The following DYRK1B variants were observed in gnomAD, a reference collection of about 807,000 sequenced individuals.
The protein encoded by DYRK1B is dual specificity tyrosine-phosphorylation-regulated kinase 1B.
In DYRK1B, 20 loss-of-function variants were observed where a neutral mutation model predicts 57.1. That is an observed-to-expected ratio of 0.35 (90% confidence interval 0.25 to 0.51). The LOEUF is 0.51. DYRK1B is among the 20% of genes least tolerant of loss of function. DYRK1B has a pLI of 0.96. For synonymous variants in DYRK1B, 409 were observed against 384.7 expected, an observed-to-expected ratio of 1.06 and a Z score of -0.74; for missense variants, 732 against 886.3, an observed-to-expected ratio of 0.83 and a Z score of 2.21.
Position 39,828,568 on chromosome 19 carries a change from T to G in DYRK1B, c.536A>C (p.His179Pro). 6 of 1,609,078 alleles carry G rather than the reference T, an allele frequency of 3.7e-6. No individual in the cohort carries two copies. The highest frequency in any genetic ancestry group is 5.1e-6 in the Non-Finnish European group (6 of 1,176,280). The part of the protein sequence containing the change: ...MKYYIVHLKR[H>P]FMFRNHLCLV... The stretch of plus-strand genomic sequence containing the variant: ...GCACAGGTGGTTCCGGAACATGAAG[T>G]GCCGCTTCAGGTGTACTGCGGGGGA... Residue 179 changes from histidine to proline, a missense_variant, in exon 6 of 11, where the codon CAC becomes CCC. Coordinates refer to ENST00000323039, the MANE Select transcript of DYRK1B (RefSeq NM_004714.3). This position sits in a 1 kb window ranked among gnomAD's most constrained non-coding sequence, Gnocchi z 4.3.
chr19:39,826,886 G>A lies in DYRK1B; in HGVS notation c.1197C>T (p.Ala399=), dbSNP rs1968566100. The A allele has an allele frequency of 2.1e-6, 3 of 1,424,520 alleles. No individual in the cohort carries two copies. Among genetic ancestry groups the A allele is most frequent in the South Asian group, 1.5e-5 (1 of 67,266 alleles). 88.2% of individuals were successfully genotyped at this position (1,424,520 alleles called of 1,614,324 possible). A position where few individuals can be genotyped will look rare whatever the true frequency, so the allele number is the denominator to read the frequency against. ...CCAGGTCCTGGAAGCGGAGGTAGTC[G>A]GCGGGGCTGTGGCCCGGCTCCCCCG... The part of the protein sequence containing the change: ...RRAGEPGHSP[A]DYLRFQDLVL... Residue 399 remains alanine, a synonymous_variant, in exon 9 of 11, where the codon GCC becomes GCT. Transcript: ENST00000323039. This position sits in a 1 kb window ranked among gnomAD's most constrained non-coding sequence, Gnocchi z 6.3.
At chr19:39,833,129 C>G (rs1968901371) in intron 1 of DYRK1B, 2 of 985,588 alleles carry the variant, frequency 2.0e-6, no homozygotes, top group Non-Finnish European at 2.4e-6. Flanking sequence ...CACTCTCTCC[C>G]CCATGTCAAA....
rs1286470625 is a variant in DYRK1B, at chr19:39,825,683, G to A, written c.*32C>T. On this transcript the variant is annotated 3_prime_UTR_variant, in exon 11 of 11. Transcript: ENST00000323039. ...GGGCCCCCAGATGGGGGAGGGTATGGCTTCAGGAGGGGCCCCAGGGAGGGG... is the reference window on the plus strand; with the variant it reads ...GGGCCCCCAGATGGGGGAGGGTATGACTTCAGGAGGGGCCCCAGGGAGGGG... 17 of 1,536,060 alleles carry A rather than the reference G, an allele frequency of 1.1e-5. No homozygotes were observed. Among genetic ancestry groups the A allele is most frequent in the Non-Finnish European group, 1.5e-5 (17 of 1,142,934 alleles).
chr19:39,833,303 G>A (rs1462136889), intron 1 of DYRK1B: 3 of 985,354 alleles, frequency 3.0e-6, no homozygotes, highest in Non-Finnish European at 3.6e-6. Flanking sequence ...CGGGGGGCTG[G>A]GGCGCGGTGG....
In DYRK1B at chr19:39,827,132, G is replaced by A. The variant is rs1290580155; in HGVS notation, c.1096-145C>T. ...GAGTTGTGGGGTGGGAAGGAGAGATGGGAGATGGGGTGGGCAGGGGAGGAA... is the reference window on the plus strand; with the variant it reads ...GAGTTGTGGGGTGGGAAGGAGAGATAGGAGATGGGGTGGGCAGGGGAGGAA... On this transcript the variant is annotated intron_variant, in intron 8 of 10. Transcript: ENST00000323039. The A allele has an allele frequency of 5.2e-6, 6 of 1,160,188 alleles. No individual in the cohort carries two copies. In the East Asian group the frequency reaches 1.0e-4, roughly 20 times the overall value. The allele number at this position is 1,160,188 out of a possible 1,614,324, so 71.9% of individuals were successfully genotyped here.
Position 39,828,597 on chromosome 19 carries a change from G to T in DYRK1B, c.521-14C>A. ...GCTTCAGGTGTACTGCGGGGGAGGG[G>T]AGGAAATGGGCCAGAGAAGAAACGG... On this transcript the variant is annotated splice_polypyrimidine_tract_variant and intron_variant, in intron 5 of 10. Transcript: ENST00000323039. This position sits in a 1 kb window ranked among gnomAD's most constrained non-coding sequence, Gnocchi z 4.3. 6.3e-7 allele frequency: 1 copy of T among 1,599,636 alleles called. No homozygotes were observed. Among genetic ancestry groups the T allele is most frequent in the South Asian group, 1.1e-5 (1 of 89,998 alleles).
intron 1 of DYRK1B, chr19:39,832,841 GC>G: frequency 1.1e-6 from 1 of 899,018 alleles, no homozygotes; most frequent in Non-Finnish European, 1.3e-6. Context: ...CCCAATCAAG[GC>G]CCACTCCTCC....
Position 39,828,307 on chromosome 19 carries a change from A to C in DYRK1B, c.797T>G (p.Leu266Arg). ...KIVDFGSSCQ[L>R]GQRIYQYIQS... Reference sequence around the variant, plus strand: ...CGGGCCGCCCCCTACCCTCTGGCCAAGCTGGCAGGAGCTGCCGAAGTCCAC... The same window carrying C: ...CGGGCCGCCCCCTACCCTCTGGCCACGCTGGCAGGAGCTGCCGAAGTCCAC... Residue 266 changes from leucine to arginine, a missense_variant, in exon 6 of 11, where the codon CTT becomes CGT. Physicochemically the swap from Leu to Arg is moderately radical, Grantham distance 102. This residue lies in a region of DYRK1B where 510 missense variants were observed against 681.3 expected (regional missense o/e 0.75). Coordinates refer to ENST00000323039, the MANE Select transcript of DYRK1B (RefSeq NM_004714.3). The surrounding 1 kb of genome is among the most constrained non-coding windows in gnomAD (Gnocchi z 4.3). 1 of 1,614,098 alleles carries C rather than the reference A, an allele frequency of 6.2e-7. No individual in the cohort carries two copies.
rs542526277 is a variant in DYRK1B at position 39,826,129 on chromosome 19, C to T, written c.1519-43G>A. On this transcript the variant is annotated intron_variant, in intron 10 of 10. Transcript: ENST00000323039. The surrounding 1 kb of genome is among the most constrained non-coding windows in gnomAD (Gnocchi z 6.3). ...CCATGGGTGATGGAGACCCTGGTCT[C>T]TAAGCCCCAGGCACCACCACCCACC... The T allele has an allele frequency of 1.4e-5, 22 of 1,563,186 alleles. No homozygotes were observed. Among genetic ancestry groups the T allele is most frequent in the Non-Finnish European group, 1.9e-5 (22 of 1,160,714 alleles).
rs746933234 is a variant in DYRK1B at position 39,828,349 on chromosome 19, C to T, written c.755G>A (p.Arg252His). The change falls in exon 6 of 11, where the codon CGC (arginine) becomes CAC (histidine). Residue 252 changes from arginine to histidine, a missense_variant. Coordinates refer to ENST00000323039, the MANE Select transcript of DYRK1B (RefSeq NM_004714.3). The surrounding 1 kb of genome is among the most constrained non-coding windows in gnomAD (Gnocchi z 4.3). ...PENILLCNPK[R>H]SAIKIVDFGS... is the part of the protein sequence containing the mutation. Reference sequence around the variant, plus strand: ...GAAGTCCACAATCTTGATGGCGCTGCGCTTGGGGTTGCACAGCAAGATGTT... The same window carrying T: ...GAAGTCCACAATCTTGATGGCGCTGTGCTTGGGGTTGCACAGCAAGATGTT... The T allele has an allele frequency of 6.8e-6, 11 of 1,614,060 alleles. No homozygotes were observed. The highest frequency in any genetic ancestry group is 6.7e-5 in the Admixed American group (4 of 60,008).
At chr19:39,832,495 C>T (rs946981139) in intron 1 of DYRK1B, among the ~76,000 whole-genome samples, 4 of 152,078 alleles carry the variant, frequency 2.6e-5, no homozygotes, top group Admixed American at 2.6e-4. Flanking sequence ...TTCCCTCAAC[C>T]CAGAGAACTC....
At chr19:39,833,038 A>C in intron 1 of DYRK1B, 1 of 985,360 alleles carries the variant, frequency 1.0e-6, no homozygotes, top group Non-Finnish European at 1.2e-6. Context: ...AGAGGGCCTC[A>C]AAGTCAAATC....
chr19:39,827,688 C>G (rs1379536441), intron 6 of DYRK1B, 32 bp from the exon 7 acceptor site: 1 of 1,604,214 alleles, frequency 6.2e-7, no homozygotes, highest in African/African-American at 1.3e-5. Flanking sequence ...AGGGACCCAG[C>G]CTCCCCTACT....
rs895963661 is a variant in DYRK1B, at chr19:39,828,907, T to C, written c.521-324A>G. Among the ~76,000 whole-genome samples, 26 of 152,166 alleles carry C rather than the reference T, an allele frequency of 1.7e-4. No homozygotes were observed. Among genetic ancestry groups the C allele is most frequent in the Admixed American group, 2.6e-4 (4 of 15,308 alleles). The stretch of plus-strand genomic sequence containing the variant: ...TATTCATTTTTGTGGCAAAGGACAC[T>C]GGTTTTCCGTTTACTTTAAGGATAT... On this transcript the variant is annotated intron_variant, in intron 5 of 10. Transcript: ENST00000323039. This position sits in a 1 kb window ranked among gnomAD's most constrained non-coding sequence, Gnocchi z 4.3.
chr19:39,833,419 G>A lies in DYRK1B; in HGVS notation c.-102+604C>T, dbSNP rs866126171. 13 of 914,836 alleles carry A rather than the reference G, an allele frequency of 1.4e-5. No homozygotes were observed. In the African/African-American group the frequency reaches 1.6e-4, roughly 11 times the overall value. The allele number at this position is 914,836 out of a possible 1,614,324, so 56.7% of individuals were successfully genotyped here. The stretch of plus-strand genomic sequence containing the variant: ...CGGCCCCGCGGCGGGGAGGGCAAGC[G>A]GGACAGGAGGCCCGGTGGGTGACAA... On this transcript the variant is annotated intron_variant, in intron 1 of 10. Coordinates refer to ENST00000323039, the MANE Select transcript of DYRK1B (RefSeq NM_004714.3).
At chr19:39,832,113 A>C (rs373854369) in intron 1 of DYRK1B, 145 bp from the exon 2 acceptor site, 6 of 846,610 alleles carry the variant, frequency 7.1e-6, no homozygotes, top group African/African-American at 5.7e-5. Flanking sequence ...CAATGAAGAG[A>C]AGGGGCAGAG....
rs751444062 is a variant in DYRK1B at position 39,825,975 on chromosome 19, G to C, written c.1630C>G (p.Pro544Ala). ...GGACGACCAAGGTATCGGGGCTGGG[G>C]GGGTAACTGGGCCCCGGTCCCAGGC... ...SLPGTGAQLPPQPRYLGRPPS... is the reference protein window; with the variant it reads ...SLPGTGAQLPAQPRYLGRPPS... Residue 544 changes from proline (P) to alanine (A), a missense_variant, in exon 11 of 11, where the codon CCC (proline) becomes GCC (alanine). Physicochemically the swap from Pro to Ala is conservative, Grantham distance 27. Coordinates refer to ENST00000323039, the MANE Select transcript of DYRK1B (RefSeq NM_004714.3). 1.3e-6 allele frequency: 2 copies of C among 1,525,576 alleles called. No individual in the cohort carries two copies. Among genetic ancestry groups the C allele is most frequent in the Non-Finnish European group, 1.8e-6 (2 of 1,139,090 alleles). The allele number at this position is 1,525,576 out of a possible 1,614,324, so 94.5% of individuals were successfully genotyped here. A position where few individuals can be genotyped will look rare whatever the true frequency, so the allele number is the denominator to read the frequency against.
At position 39,832,923 on chromosome 19, in the gene DYRK1B, C is replaced by A. The variant is rs1055476452; in HGVS notation, c.-101-955G>T. The stretch of plus-strand genomic sequence containing the variant: ...CATCCTTTTCTCCCCTACACTGCTT[C>A]CTTGCCCCCCTACACACACACACAC... On this transcript the variant is annotated intron_variant, in intron 1 of 10. Transcript: ENST00000323039. 229 of 984,978 alleles carry A rather than the reference C, an allele frequency of 2.3e-4. No individual in the cohort carries two copies. In the Middle Eastern group the frequency reaches 3.7e-3, roughly 16 times the overall value. 61.0% of individuals were successfully genotyped at this position (984,978 alleles called of 1,614,324 possible).
chr19:39,832,582 G>A (rs781154407), intron 1 of DYRK1B, among the ~76,000 whole-genome samples: 15 of 152,122 alleles, frequency 9.9e-5, no homozygotes, highest in Middle Eastern at 6.8e-3. Flanking sequence ...CCACATCAGC[G>A]TCCTTGGGGA....
Sources: gnomAD v4.1 joint callset for allele counts (sites outside exome capture counted in the v4.1 genomes callset) on GRCh38, gnomAD v4.1.1 for gene constraint, gnomAD v4.1.1 regional missense constraint, Gnocchi (gnomAD v3.1) non-coding constraint, MANE v1.5 for transcripts, NCBI Gene and HGNC (gene_info 2026-07-23, HGNC 2026-07-21) for gene names.